RASA3: variants seen among roughly 807,000 people sequenced by gnomAD.
RASA3 encodes ras GTPase-activating protein 3.
Under a neutral mutation model 110.0 loss-of-function variants are expected in RASA3, and 73 were observed. That is an observed-to-expected ratio of 0.66 (90% CI 0.55 to 0.81). The LOEUF (loss-of-function observed/expected upper bound fraction) is 0.81, where lower values mean the gene tolerates loss of function less well. Ranked by LOEUF, RASA3 falls within the 30% of genes least tolerant of loss-of-function variation. The pLI is 0.00. For synonymous variants in RASA3, 500 were observed against 451.4 expected (o/e 1.11, Z -1.37); for missense variants, 976 against 1,113.2 (o/e 0.88, Z 1.75).
chr13:114,082,172 G>A (rs527345229), intron 1 of RASA3, among the ~76,000 whole-genome samples: 17 of 152,274 alleles, frequency 1.1e-4, no homozygotes, highest in East Asian at 7.7e-4. Flanking sequence ...CTACCTCCTC[G>A]CCCCACTCAC....
rs986209741 is a variant in RASA3 at position 114,014,361 on chromosome 13, C to T, written c.1405+848G>A. ...CCCCCAGAACCCTGGGCCCCTCGGC[C>T]GGCGCTGTCTGACTGTCTGATGTCC... On this transcript the variant is annotated intron_variant, in intron 14 of 23. Transcript: ENST00000334062. The surrounding 1 kb of genome is among the most constrained non-coding windows in gnomAD (Gnocchi z 4.5). Among the ~76,000 whole-genome samples the T allele has an allele frequency of 7.2e-5, 11 of 152,104 alleles. No homozygotes were observed. Among genetic ancestry groups the T allele is most frequent in the Admixed American group, 6.5e-4 (10 of 15,276 alleles).
intron 2 of RASA3, among the ~76,000 whole-genome samples, chr13:114,064,253 C>T (rs1480795485): frequency 6.6e-6 from 1 of 152,220 alleles, no homozygotes; most frequent in Non-Finnish European, 1.5e-5. Flanking sequence ...TCGATCACGT[C>T]ACCTCGTGGG....
intron 11 of RASA3, among the ~76,000 whole-genome samples, 178 bp from the exon 12 acceptor site, chr13:114,017,529 G>A (rs528636316): frequency 6.6e-6 from 1 of 152,356 alleles, no homozygotes; most frequent in East Asian, 1.9e-4. Flanking sequence ...CCCTGGCCAT[G>A]GAACCGTCCT....
chr13:114,093,745 ATTT>A (rs916098315), intron 1 of RASA3, among the ~76,000 whole-genome samples: 4 of 146,898 alleles, frequency 2.7e-5, no homozygotes, highest in East Asian at 4.0e-4. Flanking sequence ...ATTTCTTTTC[ATTT>A]TTTTTCTTTT....
At chr13:114,054,980 GGGTGTGTGCACGTGTGTGCCCA>G (rs2079214963) in intron 2 of RASA3, among the ~76,000 whole-genome samples, 1 of 151,106 alleles carries the variant, frequency 6.6e-6, no homozygotes, top group Non-Finnish European at 1.5e-5. Context: ...GTGTGCCCAT[GGGTGTGTGCACGTGTGTGCCCA>G]TGGGTGCGTG....
chr13:114,100,914 A>T (rs2080051940), intron 1 of RASA3, among the ~76,000 whole-genome samples: 2 of 152,212 alleles, frequency 1.3e-5, no homozygotes, highest in Non-Finnish European at 2.9e-5. Context: ...ACACAATTTT[A>T]AAAACTCAGA....
chr13:114,094,223 C>A (rs1176540842), intron 1 of RASA3, among the ~76,000 whole-genome samples: 1 of 152,124 alleles, frequency 6.6e-6, no homozygotes, highest in East Asian at 1.9e-4. Flanking sequence ...ACCTTCAATT[C>A]CACCACTCAA....
intron 1 of RASA3, among the ~76,000 whole-genome samples, chr13:114,082,631 G>T (rs1384120404): frequency 6.6e-6 from 1 of 152,202 alleles, no homozygotes; most frequent in Non-Finnish European, 1.5e-5. Context: ...CGTCCCGTCT[G>T]GGGGCAGCCC....
At chr13:114,094,103 T>G in intron 1 of RASA3, among the ~76,000 whole-genome samples, 1 of 152,214 alleles carries the variant, frequency 6.6e-6, no homozygotes, top group East Asian at 1.9e-4. Flanking sequence ...CTGAATGTTC[T>G]TGGTGCTTGT....
intron 3 of RASA3, among the ~76,000 whole-genome samples, chr13:114,042,269 C>A (rs1314940667): frequency 1.3e-5 from 2 of 152,244 alleles, no homozygotes; most frequent in Non-Finnish European, 2.9e-5. Context: ...CCATGTCAAC[C>A]CTGCCAGTGG....
In RASA3 at chr13:114,096,501, G is replaced by A. The variant is rs776510348; in HGVS notation, c.56-22664C>T. 6.6e-6 allele frequency among the ~76,000 whole-genome samples: 1 copy of A among 152,130 alleles called. No individual in the cohort carries two copies. The highest frequency in any genetic ancestry group is 1.5e-5 in the Non-Finnish European group (1 of 68,026). On this transcript the variant is annotated intron_variant, in intron 1 of 23. Transcript: ENST00000334062. The surrounding 1 kb of genome is among the most constrained non-coding windows in gnomAD (Gnocchi z 5.1). ...ACCCTGGCCGGGAAGTTTGCACAGA[G>A]TATGAGCTCTGGCTGACCATCCATG...
rs554923672 is a variant in RASA3, at chr13:114,057,211, A to C, written c.174-5056T>G. 64 of 985,032 alleles carry C rather than the reference A, an allele frequency of 6.5e-5. No individual in the cohort carries two copies. The African/African-American group carries it at 1.0e-3, about 16-fold the overall frequency. The allele number at this position is 985,032 out of a possible 1,614,324, so 61.0% of individuals were successfully genotyped here. On this transcript the variant is annotated intron_variant, in intron 2 of 23. Transcript: ENST00000334062. This position sits in a 1 kb window ranked among gnomAD's most constrained non-coding sequence, Gnocchi z 5.0. Reference sequence around the variant, plus strand: ...TATTTCATATAACTTTTTAAACTTAAAGTAATAAAGTTATTACTAACTTTG... The same window carrying C: ...TATTTCATATAACTTTTTAAACTTACAGTAATAAAGTTATTACTAACTTTG...
intron 1 of RASA3, among the ~76,000 whole-genome samples, chr13:114,119,564 C>G (rs2080338766): frequency 1.7e-5 from 2 of 117,842 alleles, no homozygotes; most frequent in South Asian, 7.0e-4. Context: ...CCCTCCCTCT[C>G]TCCAGCCAGG....
chr13:114,108,036 G>T (rs950279205), intron 1 of RASA3, among the ~76,000 whole-genome samples: 1 of 151,908 alleles, frequency 6.6e-6, no homozygotes, highest in African/African-American at 2.4e-5. Context: ...TGAACACTAC[G>T]AAAAACCTGA....
intron 1 of RASA3, among the ~76,000 whole-genome samples, chr13:114,116,297 A>G (rs1327546248): frequency 6.6e-6 from 1 of 152,162 alleles, no homozygotes; most frequent in African/African-American, 2.4e-5. Context: ...TCTGAAACAC[A>G]CATACATAAA....
rs796827219 is a variant in RASA3, at chr13:114,005,799, A to G, written c.1742+1734T>C. ...TCTCCCCCCTCCTGCCCTGCCGGAC[A>G]CCACCTTACCCTTCTCCCCTCCTGC... On this transcript the variant is annotated intron_variant, in intron 18 of 23. Transcript: ENST00000334062. Among the ~76,000 whole-genome samples, 202 of 60,540 alleles carry G rather than the reference A, an allele frequency of 3.3e-3. 1 individual carries two copies. The highest frequency in any genetic ancestry group is 5.8e-3 in the East Asian group (10 of 1,724). 39.7% of individuals were successfully genotyped at this position (60,540 alleles called of 152,430 possible). A position where few individuals can be genotyped will look rare whatever the true frequency, so the allele number is the denominator to read the frequency against.
Position 113,979,199 on chromosome 13 carries a change from G to A in RASA3, c.*148C>T. On this transcript the variant is annotated 3_prime_UTR_variant, in exon 24 of 24. Coordinates refer to ENST00000334062, the MANE Select transcript of RASA3 (RefSeq NM_007368.4). ...GGCGGTGGTGGCAGCGGTTCTGGGA[G>A]AGGGAAACCCCAGCGCCACTTGTCT... 1.3e-6 allele frequency: 1 copy of A among 747,750 alleles called. No individual in the cohort carries two copies. The highest frequency in any genetic ancestry group is 1.7e-5 in the South Asian group (1 of 59,734). The allele number at this position is 747,750 out of a possible 1,614,324, so 46.3% of individuals were successfully genotyped here.
intron 9 of RASA3, 81 bp from the exon 10 acceptor site, chr13:114,019,000 C>T (rs1348451222): frequency 1.9e-6 from 3 of 1,550,102 alleles, no homozygotes; most frequent in Non-Finnish European, 2.6e-6. Context: ...CAGCTGCCTG[C>T]TTGAGGTCGA....
chr13:114,089,835 A>C, intron 1 of RASA3, among the ~76,000 whole-genome samples: 5 of 115,778 alleles, frequency 4.3e-5, no homozygotes, highest in East Asian at 2.8e-4. Flanking sequence ...CCCGGCAACC[A>C]CGAGTCCACT....
Sources: allele counts gnomAD v4.1 joint callset (sites outside exome capture counted in the v4.1 genomes callset), GRCh38; gene constraint gnomAD v4.1.1; non-coding constraint Gnocchi (gnomAD v3.1); transcripts MANE v1.5; gene names NCBI Gene and HGNC (gene_info 2026-07-23, HGNC 2026-07-21).